The following TOMM5 variants were observed in gnomAD, a reference collection of about 807,000 sequenced individuals.
The protein encoded by TOMM5 is mitochondrial import receptor subunit TOM5 homolog.
A neutral mutation model predicts 4.8 loss-of-function variants in TOMM5; 1 was observed. The ratio of observed to expected loss-of-function variants is 0.21; its 90% confidence interval spans 0.07 to 0.99. The LOEUF (loss-of-function observed/expected upper bound fraction) is 0.99. TOMM5 is among the 50% of genes least tolerant of loss of function. TOMM5 has a pLI of 0.60. For missense variants in TOMM5, 60 were observed against 66.6 expected, an observed-to-expected ratio of 0.90 and a Z score of 0.35; for synonymous variants, 26 against 26.7, an observed-to-expected ratio of 0.97 and a Z score of 0.08.
At chr9:37,590,075 T>C (rs1823077035) in intron 1 of TOMM5, among the ~76,000 whole-genome samples, 1 of 152,194 alleles carries the variant, frequency 6.6e-6, no homozygotes, top group Admixed American at 6.5e-5. Flanking sequence ...CAAAAGGCCA[T>C]GCATTTGACA....
Position 37,590,377 on chromosome 9 carries a change from G to T in TOMM5, c.122-1445C>A, listed in dbSNP as rs550802464. Among the ~76,000 whole-genome samples, 3 of 151,906 alleles carry T rather than the reference G, an allele frequency of 2.0e-5. No homozygotes were observed. The South Asian group carries it at 6.2e-4, about 32-fold the overall frequency. On this transcript the variant is annotated intron_variant, in intron 1 of 1. Coordinates refer to ENST00000321301, the MANE Select transcript of TOMM5 (RefSeq NM_001001790.3). ...CTGCAGCCTCCACCTCTGCACACTA[G>T]CTTAGGCAACAGAGCAAGACCGTCT...
In TOMM5 at chr9:37,592,558, G is replaced by A. The variant is rs1437427457; in HGVS notation, c.-26C>T. The A allele has an allele frequency of 1.2e-6, 2 of 1,605,118 alleles. No individual in the cohort carries two copies. Among genetic ancestry groups the A allele is most frequent in the Admixed American group, 3.3e-5 (2 of 59,872 alleles). ...CGCGGCTCTGACTTAGCAGCTTCCA[G>A]CCGCCGCGCTCTGCTCTCCACGGTG... On this transcript the variant is annotated 5_prime_UTR_variant, in exon 1 of 2. Coordinates refer to ENST00000321301, the MANE Select transcript of TOMM5 (RefSeq NM_001001790.3).
At position 37,588,918 on chromosome 9, in the gene TOMM5, T is replaced by C; in HGVS notation, c.136A>G (p.Lys46Glu). 1 of 1,613,570 alleles carries C rather than the reference T, an allele frequency of 6.2e-7. No individual in the cohort carries two copies. The highest frequency in any genetic ancestry group is 8.5e-7 in the Non-Finnish European group (1 of 1,179,662). The change falls in exon 2 of 2, where the codon AAG becomes GAG. Residue 46 changes from lysine to glutamate, a missense_variant. By Grantham distance (56) the Lys-to-Glu change is moderately conservative. Coordinates refer to ENST00000321301, the MANE Select transcript of TOMM5 (RefSeq NM_001001790.3). ...ALLRVTPFIL[K>E]KLDSI ...TGTCTTCATATGCTGTCCAATTTCT[T>C]TAAGATAAATGGAGCTGAAAGAAAA...
In TOMM5 at chr9:37,588,912, ATTTC is replaced by A; in HGVS notation, c.138_141del (p.Lys46AsnfsTer36). 6.2e-7 allele frequency: 1 copy of A among 1,613,766 alleles called. No individual in the cohort carries two copies. Among genetic ancestry groups the A allele is most frequent in the Non-Finnish European group, 8.5e-7 (1 of 1,179,804 alleles). On this transcript the variant is annotated frameshift_variant, in exon 2 of 2. Transcript: ENST00000321301. LOFTEE classifies it high-confidence loss of function. ...ATGTCCTGTCTTCATATGCTGTCCA[ATTTC>A]TTTAAGATAAATGGAGCTGAAAGAA...
At chr9:37,590,141 C>G (rs1443417453) in intron 1 of TOMM5, among the ~76,000 whole-genome samples, 1 of 152,116 alleles carries the variant, frequency 6.6e-6, no homozygotes, top group Non-Finnish European at 1.5e-5. Flanking sequence ...CCTGTAATCC[C>G]AACAGGTTGG....
intron 1 of TOMM5, 118 bp downstream of exon 1, chr9:37,592,294 C>A (rs1823117147): frequency 6.4e-7 from 1 of 1,564,148 alleles, no homozygotes; most frequent in Non-Finnish European, 8.7e-7. Context: ...CGCGCACCCT[C>A]CTTGCTCCCC....
chr9:37,590,631 A>G (rs1172725061), intron 1 of TOMM5, among the ~76,000 whole-genome samples: 1 of 152,232 alleles, frequency 6.6e-6, no homozygotes, highest in Non-Finnish European at 1.5e-5. Flanking sequence ...TACAAATTAT[A>G]TTTCAACTTA....
intron 1 of TOMM5, among the ~76,000 whole-genome samples, chr9:37,590,426 G>A (rs1015656156): frequency 5.9e-5 from 9 of 151,846 alleles, no homozygotes; most frequent in African/African-American, 2.2e-4. Context: ...AAAAAAATCC[G>A]GACTAGACAA....
intron 1 of TOMM5, among the ~76,000 whole-genome samples, chr9:37,589,776 C>G (rs537653688): frequency 1.3e-5 from 2 of 152,246 alleles, no homozygotes; most frequent in Non-Finnish European, 2.9e-5. Flanking sequence ...CCCGCCTCAG[C>G]CCCGCAAAGT....
chr9:37,590,918 T>C (rs530327322), intron 1 of TOMM5, among the ~76,000 whole-genome samples: 2 of 152,328 alleles, frequency 1.3e-5, no homozygotes, highest in Admixed American at 6.5e-5. Context: ...GAGCCTTCAA[T>C]AGGATGACTT....
Position 37,588,669 on chromosome 9 carries a change from A to G in TOMM5, c.*229T>C, listed in dbSNP as rs1823053389. On this transcript the variant is annotated 3_prime_UTR_variant, in exon 2 of 2. Coordinates refer to ENST00000321301, the MANE Select transcript of TOMM5 (RefSeq NM_001001790.3). ...CCAGTATTGTCAGAGGCCAAACGTC[A>G]CAGGGATAAGGGTACACCAGATCAC... 1.5e-6 allele frequency: 1 copy of G among 680,484 alleles called. No individual in the cohort carries two copies. 42.2% of individuals were successfully genotyped at this position (680,484 alleles called of 1,614,324 possible).
chr9:37,588,674 GA>G lies in TOMM5; in HGVS notation c.*223del, dbSNP rs1317960000. On this transcript the variant is annotated 3_prime_UTR_variant, in exon 2 of 2. Coordinates refer to ENST00000321301, the MANE Select transcript of TOMM5 (RefSeq NM_001001790.3). ...ATTGTCAGAGGCCAAACGTCACAGG[GA>G]TAAGGGTACACCAGATCACGAGACA... The G allele has an allele frequency of 5.8e-6, 4 of 687,710 alleles. No homozygotes were observed. In the African/African-American group the frequency reaches 7.0e-5, roughly 12 times the overall value. 42.6% of individuals were successfully genotyped at this position (687,710 alleles called of 1,614,324 possible). A position where few individuals can be genotyped will look rare whatever the true frequency, so the allele number is the denominator to read the frequency against.
In TOMM5 at chr9:37,590,787, C is replaced by T. The variant is rs560204720; in HGVS notation, c.121+1625G>A. The stretch of plus-strand genomic sequence containing the variant: ...AAGAAGCTGTTGAACTAGGATGATA[C>T]GGGTGTTTCTGTTCCCCAAGACTCG... On this transcript the variant is annotated intron_variant, in intron 1 of 1. Transcript: ENST00000321301. 3.3e-5 allele frequency among the ~76,000 whole-genome samples: 5 copies of T among 152,168 alleles called. No individual in the cohort carries two copies. The East Asian group carries it at 9.6e-4, about 29-fold the overall frequency.
chr9:37,592,456 G>T lies in TOMM5; in HGVS notation c.77C>A (p.Ser26Tyr), dbSNP rs763270595. The change falls in exon 1 of 2, where the codon TCC becomes TAC. Residue 26 changes from serine (S) to tyrosine (Y), a missense_variant. Coordinates refer to ENST00000321301, the MANE Select transcript of TOMM5 (RefSeq NM_001001790.3). ...GTAGATGAGAAAGTTCCGTATGGAG[G>T]AGATCACATCCTCGCGCATCTTCCG... Reference protein sequence around the residue: ...MKRKMREDVISSIRNFLIYVA... With the variant: ...MKRKMREDVIYSIRNFLIYVA... The T allele has an allele frequency of 6.2e-7, 1 of 1,614,202 alleles. No homozygotes were observed. Among genetic ancestry groups the T allele is most frequent in the Non-Finnish European group, 8.5e-7 (1 of 1,180,050 alleles).
At position 37,588,939 on chromosome 9, in the gene TOMM5, G is replaced by A. The variant is rs770669936; in HGVS notation, c.122-7C>T. ...TTCTTTAAGATAAATGGAGCTGAAA[G>A]AAAAACAAATCTAAAATTAGTTTTC... On this transcript the variant is annotated splice_polypyrimidine_tract_variant and splice_region_variant and intron_variant, in intron 1 of 1. Coordinates refer to ENST00000321301, the MANE Select transcript of TOMM5 (RefSeq NM_001001790.3). The A allele has an allele frequency of 3.1e-6, 5 of 1,610,140 alleles. No homozygotes were observed. The African/African-American group carries it at 4.0e-5, about 13-fold the overall frequency.
Position 37,588,721 on chromosome 9 carries a change from A to G in TOMM5, c.*177T>C, listed in dbSNP as rs756310815. ...AGACATCGTTTCATACTTCCCAAAT[A>G]GTTTTATATTTTAGCTTTGAAGGTC... On this transcript the variant is annotated 3_prime_UTR_variant, in exon 2 of 2. Transcript: ENST00000321301. 9.8e-6 allele frequency: 7 copies of G among 712,296 alleles called. No homozygotes were observed. Among genetic ancestry groups the G allele is most frequent in the East Asian group, 8.0e-5 (3 of 37,312 alleles). The allele number at this position is 712,296 out of a possible 1,614,324, so 44.1% of individuals were successfully genotyped here.
At chr9:37,592,167 A>ATTC in intron 1 of TOMM5, 2 of 1,460,224 alleles carry the variant, frequency 1.4e-6, no homozygotes, top group South Asian at 2.7e-5. Flanking sequence ...CAGCTCAAAC[A>ATTC]TTCTTCAAGC....
At position 37,589,816 on chromosome 9, in the gene TOMM5, C is replaced by T. The variant is rs143532763; in HGVS notation, c.122-884G>A. ...GAATTACAGGCATGAGCCACTGCGC[C>T]CAGCTCAATTTCTTAATATTAAACT... On this transcript the variant is annotated intron_variant, in intron 1 of 1. Coordinates refer to ENST00000321301, the MANE Select transcript of TOMM5 (RefSeq NM_001001790.3). Among the ~76,000 whole-genome samples the T allele has an allele frequency of 2.0e-5, 3 of 152,132 alleles. No individual in the cohort carries two copies. The East Asian group carries it at 5.8e-4, about 29-fold the overall frequency.
chr9:37,592,588 C>T lies in TOMM5; in HGVS notation c.-56G>A. 8.2e-6 allele frequency: 13 copies of T among 1,579,418 alleles called. No homozygotes were observed. Among genetic ancestry groups the T allele is most frequent in the Non-Finnish European group, 1.1e-5 (13 of 1,162,284 alleles). ...CGCGCTCTGCTCTCCACGGTGGCCG[C>T]CTCGCGCCCGGAACTCGGCCTATCC... On this transcript the variant is annotated 5_prime_UTR_variant, in exon 1 of 2. Transcript: ENST00000321301.
Sources: allele counts gnomAD v4.1 joint callset (sites outside exome capture counted in the v4.1 genomes callset), GRCh38; gene constraint gnomAD v4.1.1; transcripts MANE v1.5; gene names NCBI Gene and HGNC (gene_info 2026-07-23, HGNC 2026-07-21).